The following PRC1 variants were observed in gnomAD, a reference collection of about 807,000 sequenced individuals.
The protein encoded by PRC1 is protein regulator of cytokinesis 1.
PRC1 carries 54 observed loss-of-function variants against 91.2 expected under a neutral mutation model. The observed-to-expected ratio is 0.59, with a 90% CI of 0.48 to 0.74. The LOEUF (loss-of-function observed/expected upper bound fraction) is 0.74, where lower values mean the gene tolerates loss of function less well. PRC1 is among the 30% of genes least tolerant of loss of function. The probability of loss-of-function intolerance (pLI) is 0.00; values close to 1 mark genes in which losing one functional copy is unlikely to be tolerated. For synonymous variants in PRC1, 275 were observed against 263.6 expected, an observed-to-expected ratio of 1.04 and a Z score of -0.42; for missense variants, 727 against 746.2, an observed-to-expected ratio of 0.97 and a Z score of 0.30.
intron 1 of PRC1, among the ~76,000 whole-genome samples, chr15:90,993,211 CTTT>C (rs10679998): frequency 2.4e-5 from 3 of 123,042 alleles, no homozygotes; most frequent in East Asian, 2.4e-4. Context: ...TGTTAATGGA[CTTT>C]TTTTTTTTTT....
intron 1 of PRC1, among the ~76,000 whole-genome samples, chr15:90,985,068 C>A (rs2039483769): frequency 6.6e-6 from 1 of 152,150 alleles, no homozygotes; most frequent in African/African-American, 2.4e-5. Flanking sequence ...GGACTTTCAA[C>A]AATGATCTAC....
chr15:90,967,480 T>C, intron 14 of PRC1: 3 of 437,418 alleles, frequency 6.9e-6, no homozygotes, highest in Non-Finnish European at 1.3e-5. Context: ...CATACAGTCA[T>C]GCACTGCATA....
At chr15:90,973,184 A>G (rs1285370000) in intron 11 of PRC1, 1 of 152,372 alleles carries the variant, frequency 6.6e-6, no homozygotes, top group African/African-American at 2.4e-5. Flanking sequence ...ATCTGTACTA[A>G]GAAAAATTGT....
chr15:90,980,902 C>T lies in PRC1; in HGVS notation c.804G>A (p.Lys268=), dbSNP rs1351679810. Residue 268 remains lysine, a synonymous_variant, in exon 6 of 15, where the codon AAG becomes AAA. Coordinates refer to ENST00000394249, the MANE Select transcript of PRC1 (RefSeq NM_003981.4). ...TTCTTACCGCTTTCCGGACCTTGGCCTTTGACCCAGACATAATGGTGGCCA... is the reference window on the plus strand; with the variant it reads ...TTCTTACCGCTTTCCGGACCTTGGCTTTTGACCCAGACATAATGGTGGCCA... The part of the protein sequence containing the change: ...EAVATIMSGS[K]AKVRKALQLE... 2 of 1,614,200 alleles carry T rather than the reference C, an allele frequency of 1.2e-6. No homozygotes were observed. The highest frequency in any genetic ancestry group is 1.1e-5 in the South Asian group (1 of 91,086).
Position 90,984,245 on chromosome 15 carries a change from T to C in PRC1, c.145-105A>G, listed in dbSNP as rs955475376. On this transcript the variant is annotated intron_variant, in intron 2 of 14. Coordinates refer to ENST00000394249, the MANE Select transcript of PRC1 (RefSeq NM_003981.4). The surrounding 1 kb of genome is among the most constrained non-coding windows in gnomAD (Gnocchi z 5.1). Reference sequence around the variant, plus strand: ...TTCTTTTTTCTTTTTCTTTTTTTCTTTGAGATGGAGTCTCGCTCTGTTGCC... The same window carrying C: ...TTCTTTTTTCTTTTTCTTTTTTTCTCTGAGATGGAGTCTCGCTCTGTTGCC... 6.6e-5 allele frequency: 95 copies of C among 1,446,928 alleles called. No individual in the cohort carries two copies. The highest frequency in any genetic ancestry group is 8.3e-5 in the Non-Finnish European group (89 of 1,071,234). 89.6% of individuals were successfully genotyped at this position (1,446,928 alleles called of 1,614,324 possible). A position where few individuals can be genotyped will look rare whatever the true frequency, so the allele number is the denominator to read the frequency against.
intron 7 of PRC1, 101 bp downstream of exon 7, chr15:90,980,141 T>A: frequency 1.4e-6 from 2 of 1,404,450 alleles, no homozygotes; most frequent in Middle Eastern, 2.3e-4. Context: ...GGAGGCCAAG[T>A]TGGGAGGATT....
intron 12 of PRC1, 138 bp from the exon 13 acceptor site, chr15:90,969,761 A>ACCATATAT (rs1567179447): frequency 4.2e-5 from 6 of 144,048 alleles, no homozygotes; most frequent in Admixed American, 9.5e-5. Flanking sequence ...TTAAAAAAAA[A>ACCATATAT]ACATATATAT....
At chr15:90,989,561 G>A (rs1304095668) in intron 1 of PRC1, among the ~76,000 whole-genome samples, 2 of 151,202 alleles carry the variant, frequency 1.3e-5, no homozygotes, top group South Asian at 2.1e-4. Context: ...GTTTAACAGA[G>A]TTCATACAAC....
chr15:90,976,997 G>A (rs193143371), intron 8 of PRC1, among the ~76,000 whole-genome samples: 2 of 152,094 alleles, frequency 1.3e-5, no homozygotes, highest in African/African-American at 2.4e-5. Flanking sequence ...GAGCATGACG[G>A]TGCGCACGTG....
Position 90,974,541 on chromosome 15 carries a change from A to T in PRC1, c.1350+44T>A, listed in dbSNP as rs757416582. ...GCAGAGACTATGGGCTGCTCAGATT[A>T]CTTTCTTCGTCTTTTCCCAATTTGC... On this transcript the variant is annotated intron_variant, in intron 10 of 14. Coordinates refer to ENST00000394249, the MANE Select transcript of PRC1 (RefSeq NM_003981.4). The surrounding 1 kb of genome is among the most constrained non-coding windows in gnomAD (Gnocchi z 4.6). 1 of 1,611,184 alleles carries T rather than the reference A, an allele frequency of 6.2e-7. No homozygotes were observed. The highest frequency in any genetic ancestry group is 1.3e-5 in the African/African-American group (1 of 74,708).
intron 1 of PRC1, among the ~76,000 whole-genome samples, chr15:90,990,337 AAAAATAAAAT>A (rs1225615373): frequency 2.0e-5 from 3 of 151,206 alleles, no homozygotes; most frequent in Non-Finnish European, 2.9e-5. Context: ...CTCCATCTCA[AAAAATAAAAT>A]AAAATAAAAT....
At position 90,984,970 on chromosome 15, in the gene PRC1, T is replaced by A. The variant is rs2039477763; in HGVS notation, c.12-145A>T. ...AAACAAGCATTCAGCTTAATTCACC[T>A]TTAACCACTCCCCATCCCTTTTCCT... On this transcript the variant is annotated intron_variant, in intron 1 of 14. Transcript: ENST00000394249. The surrounding 1 kb of genome is among the most constrained non-coding windows in gnomAD (Gnocchi z 5.1). 2.1e-6 allele frequency: 2 copies of A among 944,998 alleles called. No homozygotes were observed. The highest frequency in any genetic ancestry group is 1.6e-6 in the Non-Finnish European group (1 of 639,290). 58.5% of individuals were successfully genotyped at this position (944,998 alleles called of 1,614,324 possible).
chr15:90,980,567 G>C, intron 6 of PRC1, 178 bp from the exon 7 acceptor site: 2 of 754,782 alleles, frequency 2.6e-6, no homozygotes, highest in Non-Finnish European at 4.0e-6. Context: ...CGCCCAGACA[G>C]GAGTGCAGTG....
rs58512103 is a variant in PRC1, at chr15:90,989,412, A to ATTTTTT, written c.12-4593_12-4588dup. On this transcript the variant is annotated intron_variant, in intron 1 of 14. Transcript: ENST00000394249. ...ATAGACGTGCCATCGTGCTTGGCTA[A>ATTTTTT]TTTTTTTTTTTTTTTTTTTTTTTAA... is the stretch of plus-strand genomic sequence containing the variant. Among the ~76,000 whole-genome samples the ATTTTTT allele has an allele frequency of 4.1e-4, 49 of 118,462 alleles. No individual in the cohort carries two copies. The South Asian group carries it at 0.013, about 33-fold the overall frequency. The allele number at this position is 118,462 out of a possible 152,430, so 77.7% of individuals were successfully genotyped here.
intron 5 of PRC1, 66 bp from the exon 6 acceptor site, chr15:90,981,099 C>T: frequency 6.3e-7 from 1 of 1,589,226 alleles, no homozygotes; most frequent in Non-Finnish European, 8.6e-7. Flanking sequence ...CCTCTAGCCT[C>T]CCGCAAAGAA....
In PRC1 at chr15:90,966,577, T is replaced by TGTC. The variant is rs2037505409; in HGVS notation, c.*551_*553dup. 2.2e-6 allele frequency: 1 copy of TGTC among 456,036 alleles called. No individual in the cohort carries two copies. Among genetic ancestry groups the TGTC allele is most frequent in the African/African-American group, 2.0e-5 (1 of 50,090 alleles). 28.2% of individuals were successfully genotyped at this position (456,036 alleles called of 1,614,324 possible). On this transcript the variant is annotated 3_prime_UTR_variant, in exon 15 of 15. Transcript: ENST00000394249. Reference sequence around the variant, plus strand: ...TTAACAAAGCTGCTCCCAGCCTTCCTGTCACCTCTTTGGCAGTAGGGCAGG... The same window carrying TGTC: ...TTAACAAAGCTGCTCCCAGCCTTCCTGTCGTCACCTCTTTGGCAGTAGGGCAGG...
intron 13 of PRC1, 89 bp downstream of exon 13, chr15:90,969,348 CTGCCCTAGCT>C (rs2037844552): frequency 7.0e-7 from 1 of 1,423,940 alleles, no homozygotes; most frequent in African/African-American, 1.4e-5. Context: ...TCCAAGGTAG[CTGCCCTAGCT>C]AATAGCCTGG....
rs987240721 is a variant in PRC1, at chr15:90,974,128, G to A, written c.1461+8C>T. On this transcript the variant is annotated splice_region_variant and intron_variant, in intron 11 of 14. Transcript: ENST00000394249. The surrounding 1 kb of genome is among the most constrained non-coding windows in gnomAD (Gnocchi z 4.6). ...TGAAATCAGTGTTTCCCTAAGCCTT[G>A]TGTTTACCTTACGTGCTTTGCCCGG... 8 of 1,610,650 alleles carry A rather than the reference G, an allele frequency of 5.0e-6. No homozygotes were observed. The East Asian group carries it at 8.9e-5, about 18-fold the overall frequency.
intron 14 of PRC1, chr15:90,968,433 T>C: frequency 2.0e-6 from 2 of 985,566 alleles, no homozygotes; most frequent in Non-Finnish European, 2.4e-6. Flanking sequence ...GTGAGGAACA[T>C]CCTCTCCTCT....
Sources: gnomAD v4.1 joint callset for allele counts (sites outside exome capture counted in the v4.1 genomes callset) on GRCh38, gnomAD v4.1.1 for gene constraint, Gnocchi (gnomAD v3.1) non-coding constraint, MANE v1.5 for transcripts, NCBI Gene and HGNC (gene_info 2026-07-23, HGNC 2026-07-21) for gene names.